The following LAMA2 variants were observed in gnomAD, a reference collection of about 807,000 sequenced individuals.
LAMA2 encodes laminin subunit alpha-2.
In LAMA2, 269 loss-of-function variants were observed where a neutral mutation model predicts 364.8. The ratio of observed to expected loss-of-function variants is 0.74; its 90% CI spans 0.67 to 0.82. The LOEUF is 0.82. Among genes scored for constraint, LAMA2 ranks in the 40% least tolerant of loss-of-function variants. The pLI is 0.00. For synonymous variants in LAMA2, 1,379 were observed against 1,370.6 expected (o/e 1.01, Z -0.14); for missense variants, 3,807 against 3,873.2 (o/e 0.98, Z 0.45).
At chr6:129,225,087 T>A (rs1784153547) in intron 12 of LAMA2, among the ~76,000 whole-genome samples, 1 of 152,330 alleles carries the variant, frequency 6.6e-6, no homozygotes, top group Non-Finnish European at 1.5e-5. Flanking sequence ...CAGGAATCTA[T>A]CCATTTCTTC....
rs201696115 is a variant in LAMA2 at position 129,505,342 on chromosome 6, G to A, written c.8690G>A (p.Arg2897Gln). Residue 2897 changes from arginine (R) to glutamine (Q), a missense_variant, in exon 61 of 65, where the codon CGA (arginine) becomes CAA (glutamine). Arg to Gln is a conservative substitution (Grantham distance 43). Transcript: ENST00000421865. ...GGGTTACCCATCAACTACACTACCC[G>A]AAGAATTGGTCCAGTAAATATCTGA... ...VGGLPINYTT[R>Q]RIGPVTYSID... 5.6e-5 allele frequency: 91 copies of A among 1,612,890 alleles called. No homozygotes were observed. The highest frequency in any genetic ancestry group is 2.4e-4 in the South Asian group (22 of 91,058).
At chr6:129,158,236 T>C (rs1429424327) in intron 8 of LAMA2, 17 of 1,613,982 alleles carry the variant, frequency 1.1e-5, no homozygotes, top group Non-Finnish European at 1.4e-5. Flanking sequence ...GTACCTTTAA[T>C]ATCTGCCGCT....
intron 1 of LAMA2, among the ~76,000 whole-genome samples, chr6:128,963,162 A>G (rs565777055): frequency 1.3e-5 from 2 of 152,252 alleles, no homozygotes; most frequent in Admixed American, 1.3e-4. Context: ...ACTGATCATA[A>G]CTAGATAATC....
intron 12 of LAMA2, among the ~76,000 whole-genome samples, chr6:129,200,504 A>G (rs926977528): frequency 4.6e-5 from 7 of 151,096 alleles, no homozygotes; most frequent in Non-Finnish European, 8.9e-5. Flanking sequence ...ACACATATAT[A>G]TGTGTGTGTA....
intron 40 of LAMA2, among the ~76,000 whole-genome samples, chr6:129,420,823 A>G (rs1019638551): frequency 2.0e-5 from 3 of 151,824 alleles, no homozygotes; most frequent in South Asian, 2.1e-4. Context: ...TTGCCTTCAC[A>G]CCTCCCTCCT....
At chr6:129,132,522 C>T (rs1332303847) in intron 4 of LAMA2, among the ~76,000 whole-genome samples, 1 of 152,178 alleles carries the variant, frequency 6.6e-6, no homozygotes, top group Non-Finnish European at 1.5e-5. Flanking sequence ...AATGCAAACC[C>T]AAGAACATGT....
chr6:128,890,780 T>C (rs1237551677), intron 1 of LAMA2, among the ~76,000 whole-genome samples: 2 of 152,108 alleles, frequency 1.3e-5, no homozygotes, highest in Non-Finnish European at 2.9e-5. Context: ...ACGGTATTTA[T>C]TATACTGTAT....
At position 129,315,507 on chromosome 6, in the gene LAMA2, C is replaced by A; in HGVS notation, c.3587C>A (p.Pro1196His). 1 of 1,614,116 alleles carries A rather than the reference C, an allele frequency of 6.2e-7. No homozygotes were observed. Among genetic ancestry groups the A allele is most frequent in the South Asian group, 1.1e-5 (1 of 91,078 alleles). ...CTGAAGGCTGAGCAGACCATTCTAC[C>A]CCTGGTAGATGAGGCTCTGCAGCAC... is the stretch of plus-strand genomic sequence containing the variant. ...VTLKAEQTIL[P>H]LVDEALQHTT... The change falls in exon 25 of 65, where the codon CCC becomes CAC. Residue 1196 changes from proline (P) to histidine (H), a missense_variant. Coordinates refer to ENST00000421865, the MANE Select transcript of LAMA2 (RefSeq NM_000426.4).
chr6:129,128,048 G>A (rs1777219714), intron 4 of LAMA2, among the ~76,000 whole-genome samples: 1 of 151,952 alleles, frequency 6.6e-6, no homozygotes, highest in African/African-American at 2.4e-5. Context: ...TATACTTTGG[G>A]GGTCAAATTC....
intron 34 of LAMA2, among the ~76,000 whole-genome samples, chr6:129,374,537 A>G (rs985160070): frequency 2.7e-5 from 4 of 150,252 alleles, no homozygotes; most frequent in South Asian, 2.1e-4. Context: ...AATAGCTAAG[A>G]CTCTCTTCCC....
At chr6:128,996,533 C>T (rs1783951610) in intron 1 of LAMA2, among the ~76,000 whole-genome samples, 1 of 152,086 alleles carries the variant, frequency 6.6e-6, no homozygotes, top group Admixed American at 6.5e-5. Flanking sequence ...AAAAGCTCAC[C>T]ATCACTGGTA....
intron 36 of LAMA2, among the ~76,000 whole-genome samples, chr6:129,392,722 T>C (rs1050636725): frequency 6.6e-6 from 1 of 152,216 alleles, no homozygotes. Context: ...AACAAGTGGA[T>C]TGTTTGATTT....
At chr6:129,319,283 G>C (rs1774805956) in intron 27 of LAMA2, among the ~76,000 whole-genome samples, 1 of 152,096 alleles carries the variant, frequency 6.6e-6, no homozygotes, top group Non-Finnish European at 1.5e-5. Context: ...ATAATTGAAT[G>C]GGGAATGACC....
intron 1 of LAMA2, among the ~76,000 whole-genome samples, chr6:128,956,811 A>AT (rs72081899): frequency 2.0e-4 from 30 of 148,210 alleles, no homozygotes; most frequent in Non-Finnish European, 3.6e-4. Flanking sequence ...CGAAGAAGGT[A>AT]TTTTTTTTTT....
At chr6:129,208,566 G>T (rs199608639) in intron 12 of LAMA2, among the ~76,000 whole-genome samples, 10 of 115,038 alleles carry the variant, frequency 8.7e-5, no homozygotes, top group African/African-American at 4.2e-4. Flanking sequence ...GAAAGAAAGA[G>T]AAAGAAAGAG....
chr6:129,402,592 A>C, intron 39 of LAMA2, 105 bp downstream of exon 39: 1 of 1,161,216 alleles, frequency 8.6e-7, no homozygotes, highest in South Asian at 1.3e-5. Flanking sequence ...ATTTCTGTTA[A>C]TTATGAACAC....
intron 37 of LAMA2, among the ~76,000 whole-genome samples, chr6:129,396,382 A>G (rs1192176705): frequency 6.6e-6 from 1 of 152,236 alleles, no homozygotes; most frequent in Non-Finnish European, 1.5e-5. Context: ...TCATAGCAGA[A>G]GTGGAGAGGA....
intron 30 of LAMA2, among the ~76,000 whole-genome samples, chr6:129,342,735 G>GAT (rs754935347): frequency 1.2e-4 from 18 of 151,760 alleles, no homozygotes; most frequent in Non-Finnish European, 1.6e-4. Context: ...TAAAACAAAT[G>GAT]ATATATATAT....
At chr6:129,170,220 G>C (rs1178873460) in intron 9 of LAMA2, among the ~76,000 whole-genome samples, 2 of 146,410 alleles carry the variant, frequency 1.4e-5, no homozygotes, top group Admixed American at 1.3e-4. Flanking sequence ...GAATGTGTTT[G>C]CTCCTGCTTT....
Sources: gnomAD v4.1 joint callset for allele counts (sites outside exome capture counted in the v4.1 genomes callset) on GRCh38, gnomAD v4.1.1 for gene constraint, MANE v1.5 for transcripts, NCBI Gene and HGNC (gene_info 2026-07-23, HGNC 2026-07-21) for gene names.